LYN: variants seen among roughly 807,000 people sequenced by gnomAD.
The protein encoded by LYN is LYN proto-oncogene, Src family tyrosine kinase, also known as tyrosine-protein kinase Lyn.
A neutral mutation model predicts 65.0 loss-of-function variants in LYN; 12 were observed. The observed-to-expected ratio is 0.18, with a 90% confidence interval of 0.12 to 0.30. The LOEUF is 0.30. LYN is among the 10% of genes least tolerant of loss of function. The probability of loss-of-function intolerance (pLI) is 1.00; values close to 1 mark genes in which losing one functional copy is unlikely to be tolerated. For missense variants in LYN, 380 were observed against 623.2 expected (o/e 0.61, Z 4.16); for synonymous variants, 222 against 221.2 (o/e 1.00, Z -0.03).
intron 2 of LYN, among the ~76,000 whole-genome samples, chr8:55,944,902 G>A (rs1806731738): frequency 6.6e-6 from 1 of 152,216 alleles, no homozygotes; most frequent in South Asian, 2.1e-4. Flanking sequence ...TAAAAATCAA[G>A]TTAGAAAGCA....
At chr8:55,947,437 T>G (rs1224385451) in intron 3 of LYN, among the ~76,000 whole-genome samples, 181 bp from the exon 4 acceptor site, 1 of 152,220 alleles carries the variant, frequency 6.6e-6, no homozygotes, top group East Asian at 1.9e-4. Flanking sequence ...CTGGACACAG[T>G]GTATACAGCA....
Position 55,911,289 on chromosome 8 carries a change from T to A in LYN, c.-5-30566T>A, listed in dbSNP as rs375106422. ...TATATATATATATATATATATATTTTTTTTTTTTTTTTAGTAGAGACAGGG... is the reference window on the plus strand; with the variant it reads ...TATATATATATATATATATATATTTATTTTTTTTTTTTAGTAGAGACAGGG... On this transcript the variant is annotated intron_variant, in intron 1 of 12. Transcript: ENST00000519728. Among the ~76,000 whole-genome samples, 309 of 82,524 alleles carry A rather than the reference T, an allele frequency of 3.7e-3. 6 individuals carry two copies. The highest frequency in any genetic ancestry group is 0.015 in the Middle Eastern group (2 of 132). The allele number at this position is 82,524 out of a possible 152,430, so 54.1% of individuals were successfully genotyped here. A position where few individuals can be genotyped will look rare whatever the true frequency, so the allele number is the denominator to read the frequency against.
intron 1 of LYN, among the ~76,000 whole-genome samples, chr8:55,928,019 T>C (rs1806158373): frequency 6.6e-6 from 1 of 152,226 alleles, no homozygotes; most frequent in Non-Finnish European, 1.5e-5. Flanking sequence ...TGGGTCATTT[T>C]ATGTTCCCCA....
In LYN at chr8:55,906,331, TTTTTGTTTTGTTTTG is replaced by T. The variant is rs150904137; in HGVS notation, c.-6+26248_-6+26262del. Among the ~76,000 whole-genome samples the T allele has an allele frequency of 7.3e-5, 11 of 150,948 alleles. No individual in the cohort carries two copies. The South Asian group carries it at 8.4e-4, about 11-fold the overall frequency. On this transcript the variant is annotated intron_variant, in intron 1 of 12. Transcript: ENST00000519728. ...ATTGCTTGAGGCCAAGAATTCGTTTTTTTTGTTTTGTTTTGTTTTGTTTTGTTTTGTTTTTGACAG... is the reference window on the plus strand; with the variant it reads ...ATTGCTTGAGGCCAAGAATTCGTTTTTTTTGTTTTGTTTTGTTTTTGACAG...
At chr8:55,883,786 C>G (rs551653938) in intron 1 of LYN, among the ~76,000 whole-genome samples, 8 of 152,118 alleles carry the variant, frequency 5.3e-5, no homozygotes, top group Non-Finnish European at 1.0e-4. Flanking sequence ...TCTAGGCCAA[C>G]AGTATAGATA....
chr8:55,924,801 G>T (rs1806055194), intron 1 of LYN, among the ~76,000 whole-genome samples: 1 of 152,136 alleles, frequency 6.6e-6, no homozygotes, highest in South Asian at 2.1e-4. Context: ...TATGTCACTT[G>T]GTAAGTCACT....
intron 1 of LYN, among the ~76,000 whole-genome samples, chr8:55,916,341 A>G (rs1805779495): frequency 2.6e-5 from 4 of 152,172 alleles, no homozygotes; most frequent in South Asian, 2.1e-4. Context: ...CCTATTACCT[A>G]CTGTTAAATG....
rs1563334206 is a variant in LYN, at chr8:56,011,691, C to G, written c.*1581C>G. ...TTAGAAGATGGGATAAAATATTCTACTTTTTTCTAAATTTTAACTTTGTTT... is the reference window on the plus strand; with the variant it reads ...TTAGAAGATGGGATAAAATATTCTAGTTTTTTCTAAATTTTAACTTTGTTT... On this transcript the variant is annotated 3_prime_UTR_variant, in exon 13 of 13. Coordinates refer to ENST00000519728, the MANE Select transcript of LYN (RefSeq NM_002350.4). 5.2e-6 allele frequency: 1 copy of G among 193,374 alleles called. No homozygotes were observed. The highest frequency in any genetic ancestry group is 2.3e-5 in the African/African-American group (1 of 43,174). 12.0% of individuals were successfully genotyped at this position (193,374 alleles called of 1,614,324 possible).
chr8:55,920,244 G>C (rs1805905374), intron 1 of LYN, among the ~76,000 whole-genome samples: 1 of 152,100 alleles, frequency 6.6e-6, no homozygotes, highest in African/African-American at 2.4e-5. Context: ...AGAGCTGGGG[G>C]ACTTGGGGAC....
intron 1 of LYN, among the ~76,000 whole-genome samples, chr8:55,901,969 A>G (rs1805277453): frequency 6.6e-6 from 1 of 152,100 alleles, no homozygotes; most frequent in African/African-American, 2.4e-5. Flanking sequence ...AAACCAAGTG[A>G]GTCAGTGATG....
chr8:55,896,582 CA>C (rs1563498493), intron 1 of LYN, among the ~76,000 whole-genome samples: 1 of 151,984 alleles, frequency 6.6e-6, no homozygotes, highest in Admixed American at 6.6e-5. Context: ...TACAGCAAAC[CA>C]CCATGGCTCA....
At chr8:55,998,030 G>T (rs917085901) in intron 10 of LYN, among the ~76,000 whole-genome samples, 1 of 152,100 alleles carries the variant, frequency 6.6e-6, no homozygotes. Flanking sequence ...CTTGCAGTGA[G>T]CCAAGATAGC....
At position 55,992,929 on chromosome 8, in the gene LYN, G is replaced by T. The variant is rs180993118; in HGVS notation, c.1051-5417G>T. ...TCCTAAAGGCCCCCCCTCTTAATAC[G>T]ATTGCATTGGAGATTAAGTTTCAAC... On this transcript the variant is annotated intron_variant, in intron 10 of 12. Transcript: ENST00000519728. Among the ~76,000 whole-genome samples the T allele has an allele frequency of 1.6e-3, 236 of 152,170 alleles. 2 individuals are homozygous for T. The highest frequency in any genetic ancestry group is 5.4e-3 in the African/African-American group (224 of 41,498).
chr8:55,915,768 C>T (rs542145587), intron 1 of LYN, among the ~76,000 whole-genome samples: 2 of 151,502 alleles, frequency 1.3e-5, no homozygotes, highest in East Asian at 3.9e-4. Flanking sequence ...ACATATGAAG[C>T]AGTGCTGCCA....
At chr8:55,946,675 C>A (rs181670866) in intron 3 of LYN, among the ~76,000 whole-genome samples, 182 bp downstream of exon 3, 3 of 152,192 alleles carry the variant, frequency 2.0e-5, no homozygotes, top group African/African-American at 7.2e-5. Context: ...CATTGTTGTA[C>A]AACCAATACC....
chr8:55,954,424 G>C (rs1227429265), intron 8 of LYN, among the ~76,000 whole-genome samples: 1 of 152,208 alleles, frequency 6.6e-6, no homozygotes, highest in East Asian at 1.9e-4. Context: ...TCAAAGTCAC[G>C]TCATGAAGAA....
intron 1 of LYN, among the ~76,000 whole-genome samples, chr8:55,914,580 C>G (rs936101434): frequency 6.6e-6 from 1 of 152,122 alleles, no homozygotes; most frequent in Non-Finnish European, 1.5e-5. Flanking sequence ...AGGAACACCC[C>G]AATCTCTGGA....
chr8:55,899,888 G>A (rs549055040), intron 1 of LYN, among the ~76,000 whole-genome samples: 3 of 152,190 alleles, frequency 2.0e-5, no homozygotes, highest in East Asian at 1.9e-4. Flanking sequence ...CAATCCACCC[G>A]CCTCGGCCTC....
intron 12 of LYN, among the ~76,000 whole-genome samples, chr8:56,000,909 A>G (rs1004773728): frequency 6.6e-6 from 1 of 152,126 alleles, no homozygotes; most frequent in Non-Finnish European, 1.5e-5. Flanking sequence ...AGCTGCTAGG[A>G]TGCCATGGTA....
Sources: allele counts gnomAD v4.1 joint callset (sites outside exome capture counted in the v4.1 genomes callset), GRCh38; gene constraint gnomAD v4.1.1; transcripts MANE v1.5; gene names NCBI Gene and HGNC (gene_info 2026-07-23, HGNC 2026-07-21).